Variants in NOX4 observed in about 807,000 individuals in gnomAD.
The protein encoded by NOX4 is kidney oxidase-1.
In NOX4, 69 loss-of-function variants were observed where a neutral mutation model predicts 87.6. That is an observed-to-expected ratio of 0.79 (90% CI 0.65 to 0.96). NOX4 has a LOEUF of 0.96. NOX4 is among the 40% of genes least tolerant of loss of function. The pLI, the probability that NOX4 is intolerant of heterozygous loss-of-function variation, is 0.00. For synonymous variants in NOX4, 275 were observed against 238.2 expected (o/e 1.15, Z -1.42); for missense variants, 680 against 681.5 (o/e 1.00, Z 0.02).
At chr11:89,503,276 C>T in the NOX4 span, among the ~76,000 whole-genome samples, 1 of 152,062 alleles carries the variant, frequency 6.6e-6, no homozygotes, top group Admixed American at 6.6e-5. Flanking sequence ...CTCAACTAGA[C>T]TCTCCCATAC....
At chr11:89,559,759 T>C in the NOX4 span, among the ~76,000 whole-genome samples, 8 of 152,146 alleles carry the variant, frequency 5.3e-5, no homozygotes, top group Non-Finnish European at 8.8e-5. Flanking sequence ...AATTTAACAA[T>C]TGACCCTCAG....
At chr11:89,391,798 C>G (rs1410969960) in intron 11 of NOX4, among the ~76,000 whole-genome samples, 2 of 145,696 alleles carry the variant, frequency 1.4e-5, no homozygotes, top group Non-Finnish European at 3.0e-5. Flanking sequence ...TATTAAAGAA[C>G]TCCTCAAAAC....
intron 7 of NOX4, among the ~76,000 whole-genome samples, chr11:89,425,805 T>C (rs575504113): frequency 3.9e-4 from 59 of 152,264 alleles, no homozygotes; most frequent in African/African-American, 1.3e-3. Context: ...TTAAAAACTA[T>C]AAAGACAGTT....
chr11:89,343,934 A>G (rs1946111252), intron 13 of NOX4, among the ~76,000 whole-genome samples: 1 of 152,000 alleles, frequency 6.6e-6, no homozygotes, highest in South Asian at 2.1e-4. Flanking sequence ...TTTGACATTT[A>G]AGTTTTTCCT....
At chr11:89,499,466 T>C (rs1200622889), upstream of NOX4, among the ~76,000 whole-genome samples, 2 of 152,200 alleles carry the variant, frequency 1.3e-5, no homozygotes, top group African/African-American at 4.8e-5. Flanking sequence ...TTAGAACTTG[T>C]TACAGAAGAA....
chr11:89,445,282 C>T (rs1555034721), intron 4 of NOX4, among the ~76,000 whole-genome samples: 1 of 151,994 alleles, frequency 6.6e-6, no homozygotes, highest in Non-Finnish European at 1.5e-5. Flanking sequence ...CTAGAAAACT[C>T]TATAATTTCC....
chr11:89,396,487 A>G (rs1428773389), intron 11 of NOX4, among the ~76,000 whole-genome samples: 1 of 152,002 alleles, frequency 6.6e-6, no homozygotes, highest in East Asian at 1.9e-4. Flanking sequence ...CTAACTGAAT[A>G]CCCTTTAAGT....
intron 8 of NOX4, among the ~76,000 whole-genome samples, chr11:89,410,517 C>CT (rs1464306449): frequency 6.6e-6 from 1 of 152,168 alleles, no homozygotes; most frequent in African/African-American, 2.4e-5. Context: ...TATAGTTTAC[C>CT]TAGAATATGG....
the NOX4 span, among the ~76,000 whole-genome samples, chr11:89,508,745 G>C: frequency 1.3e-5 from 2 of 152,022 alleles, no homozygotes; most frequent in Admixed American, 1.3e-4. Context: ...GCTGTGTTAC[G>C]TAGTGCTCAA....
At chr11:89,471,923 A>G (rs1945961574) in intron 2 of NOX4, among the ~76,000 whole-genome samples, 1 of 152,160 alleles carries the variant, frequency 6.6e-6, no homozygotes, top group Non-Finnish European at 1.5e-5. Context: ...TTGTGTTTTT[A>G]GCAGAAACAG....
At chr11:89,569,630 G>T in the NOX4 span, among the ~76,000 whole-genome samples, 1 of 152,186 alleles carries the variant, frequency 6.6e-6, no homozygotes, top group Non-Finnish European at 1.5e-5. Context: ...GAGGAAAGCA[G>T]TTTGGAGATT....
At chr11:89,460,820 A>G (rs953706526) in intron 2 of NOX4, among the ~76,000 whole-genome samples, 11 of 152,204 alleles carry the variant, frequency 7.2e-5, no homozygotes, top group Non-Finnish European at 1.5e-4. Flanking sequence ...ATATACCCAG[A>G]GGATTATGAA....
At chr11:89,460,442 G>A (rs7942843) in intron 2 of NOX4, among the ~76,000 whole-genome samples, 24,651 of 151,888 alleles carry the variant, frequency 0.16, 2,911 homozygotes, top group African/African-American at 0.32. Context: ...CAGAATCTAC[G>A]ATGAACTCAA....
chr11:89,395,790 G>A (rs563868270), intron 11 of NOX4, among the ~76,000 whole-genome samples: 87 of 152,212 alleles, frequency 5.7e-4, no homozygotes, highest in African/African-American at 1.8e-3. Context: ...TTTTTGTCAA[G>A]TTTGCCAAAG....
At chr11:89,572,631 G>T in the NOX4 span, among the ~76,000 whole-genome samples, 1 of 152,026 alleles carries the variant, frequency 6.6e-6, no homozygotes, top group Admixed American at 6.6e-5. Flanking sequence ...CTCACTGCAA[G>T]CTCCACCTCC....
the NOX4 span, among the ~76,000 whole-genome samples, chr11:89,543,158 T>C: frequency 6.6e-6 from 1 of 152,140 alleles, no homozygotes; most frequent in East Asian, 1.9e-4. Context: ...CGCTACACAA[T>C]ATACCCATGT....
intron 12 of NOX4, among the ~76,000 whole-genome samples, chr11:89,356,351 A>T (rs1565191779): frequency 6.6e-6 from 1 of 151,646 alleles, no homozygotes; most frequent in Non-Finnish European, 1.5e-5. Context: ...CTAAGAATTG[A>T]TTTAGTAAAC....
At chr11:89,574,665 C>T in the NOX4 span, among the ~76,000 whole-genome samples, 2 of 152,222 alleles carry the variant, frequency 1.3e-5, no homozygotes, top group African/African-American at 4.8e-5. Context: ...TTCTGTTCCA[C>T]TTCTAAGTAC....
chr11:89,440,094 C>T (rs954557126), intron 6 of NOX4, among the ~76,000 whole-genome samples: 4 of 152,170 alleles, frequency 2.6e-5, no homozygotes, highest in Admixed American at 6.6e-5. Context: ...AATAAGAATG[C>T]GGTTGCATTG....
Sources: gnomAD v4.1 joint callset for allele counts (sites outside exome capture counted in the v4.1 genomes callset) on GRCh38, gnomAD v4.1.1 for gene constraint, MANE v1.5 for transcripts, NCBI Gene and HGNC (gene_info 2026-07-23, HGNC 2026-07-21) for gene names.